KAZN: variants seen among roughly 807,000 people sequenced by gnomAD.
The protein encoded by KAZN is kazrin, periplakin interacting protein.
Under a neutral mutation model 87.4 loss-of-function variants are expected in KAZN, and 40 were observed. The observed-to-expected ratio is 0.46, with a 90% CI of 0.36 to 0.60. The LOEUF (loss-of-function observed/expected upper bound fraction) is 0.60. Ranked by LOEUF, KAZN falls within the 20% of genes least tolerant of loss-of-function variation. KAZN has a pLI of 0.00. For synonymous variants in KAZN, 466 were observed against 458.3 expected (o/e 1.02, Z -0.22); for missense variants, 898 against 1,073.9 (o/e 0.84, Z 2.29).
intron 2 of KAZN, among the ~76,000 whole-genome samples, chr1:14,303,724 C>T (rs1358156888): frequency 6.6e-6 from 1 of 152,170 alleles, no homozygotes; most frequent in Non-Finnish European, 1.5e-5. Context: ...AAACTCTGTC[C>T]ATCCTTCAAG....
chr1:14,332,546 T>C (rs1378943893), intron 2 of KAZN, among the ~76,000 whole-genome samples: 1 of 152,188 alleles, frequency 6.6e-6, no homozygotes, highest in Non-Finnish European at 1.5e-5. Flanking sequence ...CTAGCTCTTT[T>C]ATGGAGTTGT....
chr1:14,590,315 A>G (rs1387911806), intron 2 of KAZN, among the ~76,000 whole-genome samples: 2 of 152,186 alleles, frequency 1.3e-5, no homozygotes, highest in Non-Finnish European at 2.9e-5. Flanking sequence ...ACAGAGGAGT[A>G]GCTCCCTCCT....
chr1:14,026,731 A>G (rs1641091212), intron 1 of KAZN, among the ~76,000 whole-genome samples: 1 of 152,188 alleles, frequency 6.6e-6, no homozygotes, highest in South Asian at 2.1e-4. Context: ...GTTTCTAACA[A>G]GCTTTCTGGT....
intron 1 of KAZN, among the ~76,000 whole-genome samples, chr1:14,916,336 G>A (rs571189170): frequency 1.5e-4 from 22 of 151,700 alleles, no homozygotes; most frequent in African/African-American, 4.6e-4. Flanking sequence ...TGCCCAACTC[G>A]TTTTTGTATT....
intron 2 of KAZN, among the ~76,000 whole-genome samples, chr1:14,455,622 G>T (rs1298278006): frequency 6.6e-6 from 1 of 152,184 alleles, no homozygotes; most frequent in Non-Finnish European, 1.5e-5. Flanking sequence ...TCTGTAAGTT[G>T]ACCTGGCATG....
intron 2 of KAZN, among the ~76,000 whole-genome samples, chr1:15,007,248 C>G (rs1669120862): frequency 6.6e-6 from 1 of 152,002 alleles, no homozygotes; most frequent in Non-Finnish European, 1.5e-5. Flanking sequence ...GCTGGGCAGT[C>G]CTCGGGAACC....
chr1:14,687,541 G>T (rs1641024413), intron 1 of KAZN, among the ~76,000 whole-genome samples: 1 of 152,204 alleles, frequency 6.6e-6, no homozygotes, highest in Admixed American at 6.5e-5. Context: ...GGCAGCCCAG[G>T]CCCCAGCAAA....
At chr1:14,754,114 G>A (rs896515224) in intron 1 of KAZN, among the ~76,000 whole-genome samples, 2 of 152,194 alleles carry the variant, frequency 1.3e-5, no homozygotes, top group African/African-American at 4.8e-5. Flanking sequence ...CTCCAGCCAC[G>A]GGGAAGAGTT....
intron 1 of KAZN, among the ~76,000 whole-genome samples, chr1:14,809,295 C>T (rs1199092821): frequency 6.6e-6 from 1 of 152,132 alleles, no homozygotes; most frequent in Non-Finnish European, 1.5e-5. Flanking sequence ...TCTGGAGAGG[C>T]TGGTGAGGTG....
chr1:13,990,960 A>G (rs1639253926), intron 1 of KAZN, among the ~76,000 whole-genome samples: 1 of 152,136 alleles, frequency 6.6e-6, no homozygotes, highest in Non-Finnish European at 1.5e-5. Context: ...AAACTATCCA[A>G]AAGTTTGGTG....
At chr1:14,283,117 CCTTT>C (rs953458284) in intron 2 of KAZN, among the ~76,000 whole-genome samples, 2 of 152,178 alleles carry the variant, frequency 1.3e-5, no homozygotes, top group African/African-American at 2.4e-5. Flanking sequence ...CAGATCATTT[CCTTT>C]CTTTCTTTCT....
intron 1 of KAZN, among the ~76,000 whole-genome samples, chr1:13,914,723 A>G (rs1002848481): frequency 1.3e-5 from 2 of 152,206 alleles, no homozygotes; most frequent in Admixed American, 1.3e-4. Flanking sequence ...CACACCTGTA[A>G]TCCCAGCACT....
intron 1 of KAZN, among the ~76,000 whole-genome samples, chr1:14,943,872 G>A (rs185666395): frequency 7.9e-5 from 12 of 152,132 alleles, no homozygotes; most frequent in Non-Finnish European, 1.8e-4. Context: ...AGGAGTTTGA[G>A]ACCAGCCTGA....
At chr1:14,378,047 A>G (rs1267432263) in intron 2 of KAZN, among the ~76,000 whole-genome samples, 1 of 152,150 alleles carries the variant, frequency 6.6e-6, no homozygotes, top group African/African-American at 2.4e-5. Flanking sequence ...ATTTTTTTTC[A>G]TGTATTTGTT....
chr1:14,373,967 G>A (rs1320050112), intron 2 of KAZN, among the ~76,000 whole-genome samples: 2 of 152,136 alleles, frequency 1.3e-5, no homozygotes, highest in African/African-American at 4.8e-5. Flanking sequence ...CTTTTGCCAG[G>A]GAGTGTAAAC....
intron 2 of KAZN, among the ~76,000 whole-genome samples, chr1:14,245,818 C>G (rs549282381): frequency 6.6e-6 from 1 of 152,104 alleles, no homozygotes; most frequent in East Asian, 1.9e-4. Context: ...ACCCAGCAAT[C>G]TCATTGCTGG....
intron 2 of KAZN, among the ~76,000 whole-genome samples, chr1:14,223,783 G>A (rs1342231484): frequency 6.6e-6 from 1 of 152,196 alleles, no homozygotes; most frequent in Non-Finnish European, 1.5e-5. Flanking sequence ...GCACATGAGG[G>A]AAACCTCATC....
intron 1 of KAZN, among the ~76,000 whole-genome samples, chr1:14,836,569 C>G (rs1416334937): frequency 6.6e-6 from 1 of 152,144 alleles, no homozygotes; most frequent in Non-Finnish European, 1.5e-5. Context: ...GGGCCCACGC[C>G]TCCTCTTTCC....
intron 1 of KAZN, among the ~76,000 whole-genome samples, chr1:14,783,186 G>T (rs991668949): frequency 6.6e-6 from 1 of 152,134 alleles, no homozygotes; most frequent in Admixed American, 6.5e-5. Flanking sequence ...ACTCAACATG[G>T]TCCCTGCAAA....
Sources: gnomAD v4.1 joint callset for allele counts (sites outside exome capture counted in the v4.1 genomes callset) on GRCh38, gnomAD v4.1.1 for gene constraint, MANE v1.5 for transcripts, NCBI Gene and HGNC (gene_info 2026-07-23, HGNC 2026-07-21) for gene names.